Variants in PCDH15 observed in about 807,000 individuals in gnomAD.
The protein encoded by PCDH15 is protocadherin related 15.
Under a neutral mutation model 178.5 loss-of-function variants are expected in PCDH15, and 129 were observed. The ratio of observed to expected loss-of-function variants is 0.72; its 90% CI spans 0.63 to 0.84. The LOEUF is 0.84. Ranked by LOEUF, PCDH15 falls within the 40% of genes least tolerant of loss-of-function variation. PCDH15 has a pLI of 0.00. For synonymous variants in PCDH15, 800 were observed against 732.0 expected, an observed-to-expected ratio of 1.09 and a Z score of -1.50; for missense variants, 2,230 against 2,099.9, an observed-to-expected ratio of 1.06 and a Z score of -1.21.
chr10:55,366,919 T>TTGTGTGTGTG (rs1317630937), intron 2 of PCDH15, among the ~76,000 whole-genome samples: 3 of 105,518 alleles, frequency 2.8e-5, no homozygotes, highest in Non-Finnish European at 6.0e-5. Context: ...TTTCATTTGT[T>TTGTGTGTGTG]TGCGTGTGTG....
intron 20 of PCDH15, among the ~76,000 whole-genome samples, chr10:54,010,686 C>T (rs139294702): frequency 6.6e-6 from 1 of 152,164 alleles, no homozygotes; most frequent in Non-Finnish European, 1.5e-5. Context: ...ACTGCAGCTA[C>T]CCTTGGGCTG....
intron 21 of PCDH15, among the ~76,000 whole-genome samples, chr10:53,968,615 T>A (rs540293772): frequency 1.4e-4 from 22 of 152,312 alleles, no homozygotes; most frequent in Middle Eastern, 3.4e-3. Flanking sequence ...AGAGGCCGAC[T>A]GACACCTCAT....
chr10:54,828,605 TATTAAGTACATTC>T (rs1014845843), intron 3 of PCDH15, among the ~76,000 whole-genome samples: 8 of 152,076 alleles, frequency 5.3e-5, no homozygotes, highest in Admixed American at 3.3e-4. Flanking sequence ...ACAGAGCTTT[TATTAAGTACATTC>T]ATACATTCAA....
At position 54,779,462 on chromosome 10, in the gene PCDH15, G is replaced by GTATATATATACACACACATATATA. The variant is rs1171635780; in HGVS notation, c.-29+21462_-29+21463insTATATATGTGTGTGTATATATATA. On this transcript the variant is annotated intron_variant, in intron 1 of 37. Transcript: ENST00000644397. ...TATATATATATACACTCATATATGT[G>GTATATATATACACACACATATATA]TGTATATATATACACACATATATAT... Among the ~76,000 whole-genome samples the GTATATATATACACACACATATATA allele has an allele frequency of 6.8e-3, 261 of 38,512 alleles. 1 individual carries two copies. Among genetic ancestry groups the GTATATATATACACACACATATATA allele is most frequent in the African/African-American group, 0.015 (241 of 15,638 alleles). 25.3% of individuals were successfully genotyped at this position (38,512 alleles called of 152,430 possible).
At chr10:54,650,812 C>G (rs941476938) in intron 2 of PCDH15, among the ~76,000 whole-genome samples, 1 of 152,060 alleles carries the variant, frequency 6.6e-6, no homozygotes, top group Non-Finnish European at 1.5e-5. Context: ...GAGAACAGTA[C>G]TGGGGAAACA....
intron 3 of PCDH15, among the ~76,000 whole-genome samples, chr10:54,488,659 T>C (rs1315387008): frequency 2.6e-5 from 4 of 151,930 alleles, no homozygotes; most frequent in Non-Finnish European, 5.9e-5. Context: ...TAATGCACTT[T>C]TGTTTATTAA....
chr10:54,230,416 G>C (rs190711331), intron 9 of PCDH15, among the ~76,000 whole-genome samples: 1 of 152,074 alleles, frequency 6.6e-6, no homozygotes, highest in Admixed American at 6.6e-5. Flanking sequence ...TGGACTCTCT[G>C]ATAACTGTGA....
At chr10:54,605,649 T>C (rs2092711384) in intron 2 of PCDH15, 1 of 152,152 alleles carries the variant, frequency 6.6e-6, no homozygotes, top group Non-Finnish European at 1.5e-5. Context: ...TAACCATAAA[T>C]GTTGGGGCAC....
intron 2 of PCDH15, among the ~76,000 whole-genome samples, chr10:55,403,989 A>T (rs1029468223): frequency 1.3e-5 from 2 of 152,066 alleles, no homozygotes; most frequent in Admixed American, 6.6e-5. Flanking sequence ...AAATGGATAC[A>T]GTCTAACTAT....
chr10:53,975,769 T>G (rs1304782207), intron 21 of PCDH15, among the ~76,000 whole-genome samples: 1 of 152,132 alleles, frequency 6.6e-6, no homozygotes, highest in African/African-American at 2.4e-5. Context: ...AGCTCTTTAG[T>G]TTAATTAGTT....
intron 18 of PCDH15, among the ~76,000 whole-genome samples, chr10:54,026,892 C>T (rs2093116365): frequency 6.6e-6 from 1 of 151,664 alleles, no homozygotes; most frequent in African/African-American, 2.4e-5. Context: ...GACAGGGATG[C>T]CCTCTCTCAC....
At chr10:55,531,259 T>C (rs1589115316) in intron 2 of PCDH15, among the ~76,000 whole-genome samples, 1 of 151,994 alleles carries the variant, frequency 6.6e-6, no homozygotes, top group East Asian at 1.9e-4. Context: ...CCTACTGGTA[T>C]GCAAGCAGTA....
chr10:54,553,966 T>A (rs914229899), intron 2 of PCDH15, among the ~76,000 whole-genome samples: 2 of 152,310 alleles, frequency 1.3e-5, no homozygotes, highest in Admixed American at 6.5e-5. Context: ...ATTATAAATC[T>A]AATTTCCATG....
chr10:55,436,310 A>C (rs779530096), intron 2 of PCDH15, among the ~76,000 whole-genome samples: 1 of 152,152 alleles, frequency 6.6e-6, no homozygotes, highest in Non-Finnish European at 1.5e-5. Context: ...AAACATACAG[A>C]AACATATCAG....
intron 4 of PCDH15, among the ~76,000 whole-genome samples, chr10:54,376,954 T>C (rs1271128817): frequency 1.3e-5 from 2 of 151,994 alleles, no homozygotes; most frequent in Non-Finnish European, 2.9e-5. Flanking sequence ...ACTTCCAAAA[T>C]AGGAGATTCA....
rs117251886 is a variant in PCDH15, at chr10:55,110,431, T to C, written c.-80+56145A>G. On this transcript the variant is annotated intron_variant, in intron 2 of 5. Transcript: ENST00000458638. Reference sequence around the variant, plus strand: ...TGTAGTCGTTTAAAAAGCCGCATTGTATTAGTGCATGTTTACCAGAATTAA... The same window carrying C: ...TGTAGTCGTTTAAAAAGCCGCATTGCATTAGTGCATGTTTACCAGAATTAA... Among the ~76,000 whole-genome samples the C allele has an allele frequency of 2.5e-3, 380 of 152,194 alleles. 1 individual carries two copies. Among genetic ancestry groups the C allele is most frequent in the Non-Finnish European group, 3.5e-3 (237 of 67,938 alleles).
intron 1 of PCDH15, among the ~76,000 whole-genome samples, chr10:55,213,843 T>C (rs1433949115): frequency 2.6e-5 from 4 of 151,890 alleles, no homozygotes; most frequent in Admixed American, 1.3e-4. Flanking sequence ...GCTTATTTTG[T>C]TTTTCCTTTA....
chr10:54,601,543 T>C (rs2092533595), intron 2 of PCDH15, among the ~76,000 whole-genome samples: 1 of 151,924 alleles, frequency 6.6e-6, no homozygotes, highest in Non-Finnish European at 1.5e-5. Context: ...GAAAGTAGCA[T>C]ATGTTGGCCT....
At chr10:54,523,236 C>T (rs2083057571) in intron 3 of PCDH15, among the ~76,000 whole-genome samples, 1 of 152,062 alleles carries the variant, frequency 6.6e-6, no homozygotes, top group Non-Finnish European at 1.5e-5. Flanking sequence ...TGGCAAGTTG[C>T]TTTGGTGGAT....
Sources: allele counts gnomAD v4.1 joint callset (sites outside exome capture counted in the v4.1 genomes callset), GRCh38; gene constraint gnomAD v4.1.1; transcripts MANE v1.5; gene names NCBI Gene and HGNC (gene_info 2026-07-23, HGNC 2026-07-21).